SUPT3H: variants seen among roughly 807,000 people sequenced by gnomAD.
SUPT3H encodes SPT3 homolog, SAGA and STAGA complex component, also known as transcription initiation protein SPT3 homolog.
A neutral mutation model predicts 44.3 loss-of-function variants in SUPT3H; 44 were observed. The observed-to-expected ratio is 0.99, with a 90% CI of 0.78 to 1.28. The LOEUF (loss-of-function observed/expected upper bound fraction) is 1.28, where lower values mean the gene tolerates loss of function less well. Among genes scored for constraint, SUPT3H ranks in the 50% most tolerant of loss-of-function variants. The pLI is 0.00. For synonymous variants in SUPT3H, 124 were observed against 125.6 expected, an observed-to-expected ratio of 0.99 and a Z score of 0.09; for missense variants, 380 against 387.1, an observed-to-expected ratio of 0.98 and a Z score of 0.15.
At chr6:45,269,854 A>G (rs2153661265) in intron 2 of SUPT3H, among the ~76,000 whole-genome samples, 1 of 152,286 alleles carries the variant, frequency 6.6e-6, no homozygotes, top group South Asian at 2.1e-4. Context: ...TAGTTGTGCA[A>G]CCATCAACAC....
At position 45,228,731 on chromosome 6, in the gene SUPT3H, C is replaced by T. The variant is rs560012682; in HGVS notation, c.102-122725G>A. On this transcript the variant is annotated intron_variant, in intron 2 of 10. Coordinates refer to ENST00000371459, the MANE Select transcript of SUPT3H (RefSeq NM_003599.4). ...TGGCACAGTCTCGGCTCACTACAGC[C>T]GCCGCCCCCAGAGTTCAGGTGATTC... Among the ~76,000 whole-genome samples, 295 of 152,130 alleles carry T rather than the reference C, an allele frequency of 1.9e-3. 1 individual carries two copies. Among genetic ancestry groups the T allele is most frequent in the African/African-American group, 6.3e-3 (260 of 41,504 alleles).
At chr6:45,377,611 T>A (rs1796995488) in intron 1 of SUPT3H, among the ~76,000 whole-genome samples, 157 bp downstream of exon 1, 1 of 151,910 alleles carries the variant, frequency 6.6e-6, no homozygotes, top group Non-Finnish European at 1.5e-5. Flanking sequence ...CACTCCGGCG[T>A]AGACCACGAA....
chr6:44,846,117 G>C (rs973003209), intron 10 of SUPT3H, among the ~76,000 whole-genome samples: 14 of 152,294 alleles, frequency 9.2e-5, no homozygotes, highest in Admixed American at 3.3e-4. Context: ...GTGGGGCACT[G>C]AACAAGCGAG....
intron 2 of SUPT3H, among the ~76,000 whole-genome samples, chr6:45,238,813 A>T (rs1287929846): frequency 6.6e-6 from 1 of 152,220 alleles, no homozygotes; most frequent in Non-Finnish European, 1.5e-5. Flanking sequence ...ACGAAGGCAC[A>T]AATACAGCAA....
intron 2 of SUPT3H, among the ~76,000 whole-genome samples, chr6:45,282,996 G>A (rs143610066): frequency 0.012 from 1,877 of 152,214 alleles, 50 homozygotes; most frequent in African/African-American, 0.043. Flanking sequence ...AGCTTCATAA[G>A]TGAAGGAGAA....
intron 10 of SUPT3H, among the ~76,000 whole-genome samples, chr6:44,905,865 T>C (rs564358283): frequency 6.6e-6 from 1 of 152,288 alleles, no homozygotes; most frequent in East Asian, 1.9e-4. Context: ...TGAGTGCATG[T>C]CCTTTGTAGG....
chr6:45,036,651 A>C (rs962236227), intron 3 of SUPT3H, among the ~76,000 whole-genome samples: 1 of 152,168 alleles, frequency 6.6e-6, no homozygotes, highest in Admixed American at 6.6e-5. Context: ...AAATAATTTC[A>C]AACCTAAAAG....
At chr6:45,308,341 C>A (rs1223468231) in intron 2 of SUPT3H, among the ~76,000 whole-genome samples, 1 of 152,078 alleles carries the variant, frequency 6.6e-6, no homozygotes, top group Non-Finnish European at 1.5e-5. Context: ...TTAAGGGCAG[C>A]CAGAGAAAAA....
intron 3 of SUPT3H, among the ~76,000 whole-genome samples, chr6:45,056,649 A>C (rs954597025): frequency 6.6e-6 from 1 of 152,210 alleles, no homozygotes; most frequent in Non-Finnish European, 1.5e-5. Context: ...GAGCTAAGCT[A>C]TGAAGACACA....
At chr6:44,952,167 G>A (rs1308806258) in intron 9 of SUPT3H, among the ~76,000 whole-genome samples, 1 of 152,126 alleles carries the variant, frequency 6.6e-6, no homozygotes, top group Non-Finnish European at 1.5e-5. Context: ...GTAATAAGAT[G>A]CTATATGGGC....
At chr6:45,039,845 C>CA (rs35987604) in intron 3 of SUPT3H, among the ~76,000 whole-genome samples, 86,372 of 131,136 alleles carry the variant, frequency 0.66, 25,395 homozygotes, top group East Asian at 0.75. Flanking sequence ...CTAATCACAG[C>CA]AAAAAAAAAA....
intron 10 of SUPT3H, among the ~76,000 whole-genome samples, chr6:44,925,577 T>C (rs1301136057): frequency 1.3e-5 from 2 of 152,168 alleles, no homozygotes; most frequent in East Asian, 1.9e-4. Context: ...ATTACAGACC[T>C]GGGTTTATAT....
At chr6:45,270,915 T>C (rs1356634235) in intron 2 of SUPT3H, among the ~76,000 whole-genome samples, 1 of 152,192 alleles carries the variant, frequency 6.6e-6, no homozygotes, top group Non-Finnish European at 1.5e-5. Flanking sequence ...GATGGGGAAC[T>C]TTATGGGAAC....
chr6:45,268,168 T>C (rs1775550795), intron 2 of SUPT3H, among the ~76,000 whole-genome samples: 2 of 152,164 alleles, frequency 1.3e-5, no homozygotes, highest in African/African-American at 4.8e-5. Context: ...CTGGAATACA[T>C]ATATGCAATC....
chr6:45,274,412 T>G (rs1015447601), intron 2 of SUPT3H, among the ~76,000 whole-genome samples: 1 of 152,248 alleles, frequency 6.6e-6, no homozygotes, highest in African/African-American at 2.4e-5. Context: ...CATGAACATT[T>G]ACTCCTATAT....
At chr6:45,208,562 A>C (rs1763567057) in intron 2 of SUPT3H, among the ~76,000 whole-genome samples, 1 of 152,058 alleles carries the variant, frequency 6.6e-6, no homozygotes, top group Non-Finnish European at 1.5e-5. Context: ...TGTCCCTACT[A>C]AAGATACAAA....
At chr6:45,207,822 T>C (rs537707788) in intron 2 of SUPT3H, among the ~76,000 whole-genome samples, 40 of 152,246 alleles carry the variant, frequency 2.6e-4, no homozygotes, top group African/African-American at 9.6e-4. Flanking sequence ...TATTCTCCCA[T>C]CTCACACCCT....
intron 2 of SUPT3H, among the ~76,000 whole-genome samples, chr6:45,165,429 C>T (rs1160238126): frequency 6.6e-6 from 1 of 152,098 alleles, no homozygotes; most frequent in Non-Finnish European, 1.5e-5. Flanking sequence ...CTATACTGTT[C>T]ATTTAAAAGC....
chr6:45,274,954 TTTC>T (rs1047614734), intron 2 of SUPT3H, among the ~76,000 whole-genome samples: 4 of 152,202 alleles, frequency 2.6e-5, no homozygotes, highest in African/African-American at 9.6e-5. Flanking sequence ...CTTTGATTTT[TTTC>T]TTTTTTTCTA....
Sources: allele counts gnomAD v4.1 joint callset (sites outside exome capture counted in the v4.1 genomes callset), GRCh38; gene constraint gnomAD v4.1.1; transcripts MANE v1.5; gene names NCBI Gene and HGNC (gene_info 2026-07-23, HGNC 2026-07-21).